Variants in POLA1 observed in about 807,000 individuals in gnomAD.
POLA1 encodes DNA polymerase alpha 1, catalytic subunit, also known as DNA polymerase alpha catalytic subunit.
In POLA1, 15 loss-of-function variants were observed where a neutral mutation model predicts 124.0. The ratio of observed to expected loss-of-function variants is 0.12; its 90% CI spans 0.08 to 0.19. The LOEUF (loss-of-function observed/expected upper bound fraction) is 0.19, where lower values mean the gene tolerates loss of function less well. Among genes scored for constraint, POLA1 ranks in the 10% least tolerant of loss-of-function variants. The probability of loss-of-function intolerance (pLI) is 1.00; values close to 1 mark genes in which losing one functional copy is unlikely to be tolerated. For synonymous variants in POLA1, 408 were observed against 389.4 expected (o/e 1.05, Z -0.56); for missense variants, 886 against 1,103.4 (o/e 0.80, Z 2.79).
chrX:24,811,799 C>G (rs1202140393), intron 28 of POLA1, among the ~76,000 whole-genome samples: 1 of 111,831 alleles, frequency 8.9e-6, no homozygotes, highest in Non-Finnish European at 1.9e-5. Flanking sequence ...TACCTACATA[C>G]ATACATATAC....
At chrX:24,842,413 A>T (rs1001340104) in intron 33 of POLA1, among the ~76,000 whole-genome samples, 2 of 112,345 alleles carry the variant, frequency 1.8e-5, no homozygotes, top group African/African-American at 6.5e-5. Flanking sequence ...TGGCCAATTT[A>T]CTTGATTTCC....
chrX:24,922,458 G>A (rs1271906353), intron 35 of POLA1, among the ~76,000 whole-genome samples: 1 of 111,429 alleles, frequency 9.0e-6, no homozygotes, highest in East Asian at 2.8e-4. Context: ...CAATATAGAT[G>A]TCTATTTTAA....
At chrX:24,714,104 T>C (rs1171608218) in intron 4 of POLA1, among the ~76,000 whole-genome samples, 2 of 112,721 alleles carry the variant, frequency 1.8e-5, no homozygotes, top group Non-Finnish European at 3.7e-5. Context: ...TTTCTTGAAT[T>C]AAACTCATTT....
chrX:24,956,262 TA>T lies in POLA1; in HGVS notation c.4261+25714del, dbSNP rs1292183049. 2.7e-5 allele frequency among the ~76,000 whole-genome samples: 3 copies of T among 109,973 alleles called. No homozygotes were observed. In the East Asian group the frequency reaches 8.4e-4, roughly 31 times the overall value. On this transcript the variant is annotated intron_variant, in intron 36 of 36. Coordinates refer to ENST00000379068, the MANE Select transcript of POLA1 (RefSeq NM_001330360.2). ...GAGTTATGATCGTGCCACTGTACTG[TA>T]GCCTGGGTGACAAAGCAAGACCCTG...
intron 35 of POLA1, among the ~76,000 whole-genome samples, chrX:24,905,013 G>A: frequency 1.1e-5 from 1 of 89,699 alleles, no homozygotes; most frequent in African/African-American, 5.0e-5. Context: ...AACAGAGCAA[G>A]ACTCTGTCTC....
intron 35 of POLA1, among the ~76,000 whole-genome samples, chrX:24,888,608 T>G (rs1375976967): frequency 3.2e-5 from 3 of 93,635 alleles, no homozygotes; most frequent in African/African-American, 1.2e-4. Context: ...TTGTTTTTTT[T>G]TTTTTTTTTT....
At chrX:24,923,907 G>A (rs1293328502) in intron 35 of POLA1, among the ~76,000 whole-genome samples, 1 of 111,690 alleles carries the variant, frequency 9.0e-6, no homozygotes, top group East Asian at 2.8e-4. Flanking sequence ...AGGGAAAACA[G>A]GAAAGTTTAT....
chrX:24,729,502 A>G (rs1189820384), intron 15 of POLA1, among the ~76,000 whole-genome samples: 1 of 112,095 alleles, frequency 8.9e-6, no homozygotes, highest in African/African-American at 3.2e-5. Flanking sequence ...CATGGTTTTT[A>G]AATTTTTCTA....
intron 36 of POLA1, among the ~76,000 whole-genome samples, chrX:24,984,323 A>C (rs2048454552): frequency 8.9e-6 from 1 of 112,199 alleles, no homozygotes; most frequent in South Asian, 3.7e-4. Flanking sequence ...CCACAAGGTT[A>C]TGCATTTATT....
At chrX:24,992,248 A>G (rs1021078588) in intron 36 of POLA1, among the ~76,000 whole-genome samples, 1 of 111,426 alleles carries the variant, frequency 9.0e-6, no homozygotes, top group Non-Finnish European at 1.9e-5. Flanking sequence ...AAATTTTTCT[A>G]AAGCTTCCTG....
chrX:24,913,822 G>A (rs1467760924), intron 35 of POLA1, among the ~76,000 whole-genome samples: 1 of 110,342 alleles, frequency 9.1e-6, no homozygotes, highest in Non-Finnish European at 1.9e-5. Context: ...AAGATCGGGA[G>A]TTCGAGACCA....
At chrX:24,745,611 C>A in intron 24 of POLA1, 69 bp downstream of exon 24, 1 of 726,780 alleles carries the variant, frequency 1.4e-6, no homozygotes, top group South Asian at 2.4e-5. Flanking sequence ...AGATCTGTGT[C>A]TTTTTAAAAT....
intron 32 of POLA1, among the ~76,000 whole-genome samples, chrX:24,840,413 C>T (rs1294426571): frequency 3.6e-5 from 4 of 112,054 alleles, no homozygotes; most frequent in African/African-American, 9.7e-5. Flanking sequence ...ATGCTACCTC[C>T]GTTTCGCAGG....
intron 36 of POLA1, among the ~76,000 whole-genome samples, chrX:24,968,506 T>C (rs1321136972): frequency 3.6e-5 from 4 of 110,697 alleles, no homozygotes; most frequent in South Asian, 7.8e-4. Context: ...GAGACCATCC[T>C]GGCTAACACG....
chrX:24,849,406 A>G (rs918240414), intron 34 of POLA1, among the ~76,000 whole-genome samples: 2 of 112,855 alleles, frequency 1.8e-5, no homozygotes, highest in East Asian at 5.6e-4. Context: ...GAAGCCAAAC[A>G]TAAATGAATG....
At chrX:24,884,205 G>A (rs1285237302) in intron 34 of POLA1, among the ~76,000 whole-genome samples, 2 of 111,261 alleles carry the variant, frequency 1.8e-5, no homozygotes, top group African/African-American at 3.3e-5. Context: ...CTGGAGTGCT[G>A]TGACATAATT....
At chrX:24,882,690 T>TGTGG (rs1348957041) in intron 34 of POLA1, among the ~76,000 whole-genome samples, 2 of 88,750 alleles carry the variant, frequency 2.3e-5, no homozygotes, top group African/African-American at 1.1e-4. Context: ...CCATGGTGTG[T>TGTGG]GTGTGTGTGT....
At chrX:24,818,557 C>A (rs2046031458) in intron 30 of POLA1, among the ~76,000 whole-genome samples, 1 of 111,394 alleles carries the variant, frequency 9.0e-6, no homozygotes, top group Non-Finnish European at 1.9e-5. Context: ...TACATCAGTT[C>A]TCAGATTTCT....
At chrX:24,956,781 A>G (rs1225923197) in intron 36 of POLA1, among the ~76,000 whole-genome samples, 1 of 112,438 alleles carries the variant, frequency 8.9e-6, no homozygotes, top group Non-Finnish European at 1.9e-5. Context: ...TAAAAATTCA[A>G]GACTCTACTA....
Sources: gnomAD v4.1 joint callset for allele counts (sites outside exome capture counted in the v4.1 genomes callset) on GRCh38, gnomAD v4.1.1 for gene constraint, MANE v1.5 for transcripts, NCBI Gene and HGNC (gene_info 2026-07-23, HGNC 2026-07-21) for gene names.